SLC24A3: variants seen among roughly 807,000 people sequenced by gnomAD.
The protein encoded by SLC24A3 is solute carrier family 24 member 3, also known as sodium/potassium/calcium exchanger 3.
In SLC24A3, 28 loss-of-function variants were observed where a neutral mutation model predicts 75.8. That is an observed-to-expected ratio of 0.37 (90% CI 0.27 to 0.51). SLC24A3 has a LOEUF of 0.51. Among genes scored for constraint, SLC24A3 ranks in the 20% least tolerant of loss-of-function variants. The probability of loss-of-function intolerance (pLI) is 0.94; values close to 1 mark genes in which losing one functional copy is unlikely to be tolerated. For synonymous variants in SLC24A3, 372 were observed against 334.1 expected, an observed-to-expected ratio of 1.11 and a Z score of -1.24; for missense variants, 663 against 847.8, an observed-to-expected ratio of 0.78 and a Z score of 2.71.
At chr20:19,320,746 T>C (rs1355775494) in intron 2 of SLC24A3, among the ~76,000 whole-genome samples, 1 of 152,146 alleles carries the variant, frequency 6.6e-6, no homozygotes, top group African/African-American at 2.4e-5. Flanking sequence ...TCCAGATTAA[T>C]TGTAATACCT....
At chr20:19,455,520 C>T (rs1254692664) in intron 2 of SLC24A3, among the ~76,000 whole-genome samples, 2 of 152,166 alleles carry the variant, frequency 1.3e-5, no homozygotes, top group Non-Finnish European at 2.9e-5. Flanking sequence ...GTATGCTCAG[C>T]ATAAACATAG....
At chr20:19,587,813 A>G (rs1054885659) in intron 6 of SLC24A3, among the ~76,000 whole-genome samples, 1 of 152,148 alleles carries the variant, frequency 6.6e-6, no homozygotes, top group Non-Finnish European at 1.5e-5. Flanking sequence ...TGCCATCAAG[A>G]TGAATTGTAG....
chr20:19,411,446 A>G (rs1324952520), intron 2 of SLC24A3, among the ~76,000 whole-genome samples: 1 of 152,168 alleles, frequency 6.6e-6, no homozygotes, highest in Non-Finnish European at 1.5e-5. Flanking sequence ...ATATGTTTGG[A>G]CTTTGCCTTG....
chr20:19,662,379 C>T (rs1284139589), intron 7 of SLC24A3, among the ~76,000 whole-genome samples: 1 of 152,254 alleles, frequency 6.6e-6, no homozygotes, highest in Non-Finnish European at 1.5e-5. Context: ...GACAGAGCAC[C>T]AGGCAGGACC....
chr20:19,376,935 A>G (rs923567751), intron 2 of SLC24A3, among the ~76,000 whole-genome samples: 6 of 152,190 alleles, frequency 3.9e-5, no homozygotes, highest in Non-Finnish European at 8.8e-5. Flanking sequence ...GGCATTGAAA[A>G]ATAACCCTGG....
intron 3 of SLC24A3, among the ~76,000 whole-genome samples, chr20:19,543,574 C>T (rs1479481372): frequency 6.6e-6 from 1 of 152,162 alleles, no homozygotes; most frequent in Non-Finnish European, 1.5e-5. Context: ...ACCTGCGGTG[C>T]TGCATGAGAG....
rs542013056 is a variant in SLC24A3, at chr20:19,554,909, G to A, written c.349-25091G>A. On this transcript the variant is annotated intron_variant, in intron 3 of 16. Coordinates refer to ENST00000328041, the MANE Select transcript of SLC24A3 (RefSeq NM_020689.4). Reference sequence around the variant, plus strand: ...AAAGCCACCCACCAATTTAAAGGGAGCGTAGAATGGCAACAGAGAACAAGT... The same window carrying A: ...AAAGCCACCCACCAATTTAAAGGGAACGTAGAATGGCAACAGAGAACAAGT... 4.6e-5 allele frequency among the ~76,000 whole-genome samples: 7 copies of A among 152,212 alleles called. No homozygotes were observed. In the East Asian group the frequency reaches 1.4e-3, roughly 30 times the overall value.
intron 2 of SLC24A3, among the ~76,000 whole-genome samples, chr20:19,288,032 G>A (rs2876534): frequency 1 from 152,366 of 152,366 alleles, 76,183 homozygotes; most frequent in Non-Finnish European, 1. Context: ...TATCTTTGCT[G>A]CCAGAAATAC....
At chr20:19,259,902 T>C (rs1982930511) in intron 1 of SLC24A3, among the ~76,000 whole-genome samples, 1 of 152,178 alleles carries the variant, frequency 6.6e-6, no homozygotes, top group African/African-American at 2.4e-5. Context: ...ACAAAGTAGG[T>C]CTCTCCCTCC....
At chr20:19,336,045 C>A (rs1438924154) in intron 2 of SLC24A3, among the ~76,000 whole-genome samples, 1 of 152,130 alleles carries the variant, frequency 6.6e-6, no homozygotes, top group East Asian at 1.9e-4. Flanking sequence ...AATAATTAGT[C>A]ATTTCTGTCA....
chr20:19,707,932 G>A (rs756251409), intron 15 of SLC24A3, among the ~76,000 whole-genome samples: 55 of 152,172 alleles, frequency 3.6e-4, no homozygotes, highest in Non-Finnish European at 5.9e-4. Context: ...ATATGAATTC[G>A]GGAGTCAAGA....
At chr20:19,336,383 T>C (rs1341497456) in intron 2 of SLC24A3, among the ~76,000 whole-genome samples, 1 of 152,194 alleles carries the variant, frequency 6.6e-6, no homozygotes, top group Non-Finnish European at 1.5e-5. Flanking sequence ...ACTCCTGCCC[T>C]GGGCATTTTT....
At chr20:19,625,184 C>A (rs1382400044) in intron 6 of SLC24A3, among the ~76,000 whole-genome samples, 1 of 152,068 alleles carries the variant, frequency 6.6e-6, no homozygotes, top group African/African-American at 2.4e-5. Flanking sequence ...ATAACAGATT[C>A]AAAAGAGGAA....
chr20:19,452,443 G>A (rs1056039617), intron 2 of SLC24A3, among the ~76,000 whole-genome samples: 1 of 148,878 alleles, frequency 6.7e-6, no homozygotes, highest in South Asian at 2.1e-4. Context: ...GTAAGGTGGT[G>A]GGGAGGAGAG....
chr20:19,585,934 A>C (rs1568664085), intron 6 of SLC24A3, among the ~76,000 whole-genome samples: 1 of 152,240 alleles, frequency 6.6e-6, no homozygotes, highest in Non-Finnish European at 1.5e-5. Flanking sequence ...TGCTAAACAC[A>C]ATGAGAATAC....
chr20:19,266,370 G>C (rs1983166903), intron 1 of SLC24A3, among the ~76,000 whole-genome samples: 1 of 152,190 alleles, frequency 6.6e-6, no homozygotes, highest in African/African-American at 2.4e-5. Flanking sequence ...AGGTGTTCCA[G>C]TCAGGATTGT....
rs1568711718 is a variant in SLC24A3, at chr20:19,722,205, A to T, written c.*1065A>T. The T allele has an allele frequency of 6.5e-6, 1 of 152,738 alleles. No individual in the cohort carries two copies. Among genetic ancestry groups the T allele is most frequent in the East Asian group, 1.9e-4 (1 of 5,196 alleles). 9.5% of individuals were successfully genotyped at this position (152,738 alleles called of 1,614,324 possible). The stretch of plus-strand genomic sequence containing the variant: ...ACTGGTTTCTTGGAAAATGGAGAGA[A>T]GCGCACTTTGCACAGACGTCGTCAA... On this transcript the variant is annotated 3_prime_UTR_variant, in exon 17 of 17. Coordinates refer to ENST00000328041, the MANE Select transcript of SLC24A3 (RefSeq NM_020689.4).
At chr20:19,687,009 C>G (rs537996323) in intron 12 of SLC24A3, among the ~76,000 whole-genome samples, 2 of 152,340 alleles carry the variant, frequency 1.3e-5, no homozygotes, top group South Asian at 4.1e-4. Context: ...GTAAACCCTT[C>G]CATTCATTTT....
chr20:19,565,565 T>C (rs2030943729), intron 3 of SLC24A3, among the ~76,000 whole-genome samples: 1 of 152,194 alleles, frequency 6.6e-6, no homozygotes, highest in African/African-American at 2.4e-5. Context: ...TGCTTCTTCC[T>C]TGTCTTGCCT....
Sources: gnomAD v4.1 joint callset for allele counts (sites outside exome capture counted in the v4.1 genomes callset) on GRCh38, gnomAD v4.1.1 for gene constraint, MANE v1.5 for transcripts, NCBI Gene and HGNC (gene_info 2026-07-23, HGNC 2026-07-21) for gene names.